AMD1: variants seen among roughly 807,000 people sequenced by gnomAD.
AMD1 encodes the protein adenosylmethionine decarboxylase 1.
A neutral mutation model predicts 40.2 loss-of-function variants in AMD1; 11 were observed. The observed-to-expected ratio is 0.27, with a 90% CI of 0.17 to 0.45. The LOEUF (loss-of-function observed/expected upper bound fraction) is 0.45. Ranked by LOEUF, AMD1 falls within the 20% of genes least tolerant of loss-of-function variation. The pLI is 1.00. For missense variants in AMD1, 257 were observed against 410.2 expected, an observed-to-expected ratio of 0.63 and a Z score of 3.23; for synonymous variants, 121 against 130.8, an observed-to-expected ratio of 0.93 and a Z score of 0.51.
At chr6:110,886,895 C>T (rs927653575) in intron 1 of AMD1, among the ~76,000 whole-genome samples, 4 of 152,232 alleles carry the variant, frequency 2.6e-5, no homozygotes, top group African/African-American at 9.6e-5. Context: ...AGACTAGTTT[C>T]TTCATGTCCA....
the AMD1 span, among the ~76,000 whole-genome samples, chr6:110,847,790 C>T: frequency 6.6e-6 from 1 of 151,344 alleles, no homozygotes; most frequent in South Asian, 2.1e-4. Flanking sequence ...TGGCTCACTG[C>T]AACCTCCACC....
In AMD1 at chr6:110,890,228, T is replaced by C. The variant is rs779159812; in HGVS notation, c.325-26T>C. On this transcript the variant is annotated intron_variant, in intron 3 of 8. Transcript: ENST00000368885. ...TTCTACATCTAAAGTCATCTTTTTT[T>C]TTCTTTCTTTTCTTTTTTAATAAAG... is the stretch of plus-strand genomic sequence containing the variant. The C allele has an allele frequency of 9.5e-6, 14 of 1,476,884 alleles. No individual in the cohort carries two copies. The African/African-American group carries it at 2.0e-4, about 21-fold the overall frequency. The allele number at this position is 1,476,884 out of a possible 1,614,324, so 91.5% of individuals were successfully genotyped here.
At chr6:110,869,059 CAA>C in the AMD1 span, among the ~76,000 whole-genome samples, 4 of 125,492 alleles carry the variant, frequency 3.2e-5, no homozygotes, top group African/African-American at 2.9e-5. Flanking sequence ...AACTCGTTCT[CAA>C]AAAAAAAAAA....
intron 1 of AMD1, among the ~76,000 whole-genome samples, chr6:110,881,981 C>T (rs1247184469): frequency 2.5e-4 from 38 of 152,160 alleles, no homozygotes; most frequent in Admixed American, 2.5e-3. Context: ...TTTATTGACT[C>T]TTTAAATAGC....
At chr6:110,879,025 G>A (rs1279599) in intron 1 of AMD1, among the ~76,000 whole-genome samples, 131,378 of 152,154 alleles carry the variant, frequency 0.86, 56,890 homozygotes, top group Middle Eastern at 0.95. Flanking sequence ...AATGCTTCCT[G>A]CTAAAGAATA....
the AMD1 span, among the ~76,000 whole-genome samples, chr6:110,842,221 C>G: frequency 6.6e-6 from 1 of 152,166 alleles, no homozygotes; most frequent in African/African-American, 2.4e-5. Context: ...AGCAGCAGTA[C>G]TAACTGCCTT....
At chr6:110,875,280 C>A in intron 1 of AMD1, 65 bp downstream of exon 1, 1 of 1,302,874 alleles carries the variant, frequency 7.7e-7, no homozygotes, top group Non-Finnish European at 1.1e-6. Context: ...GAGGCACCAG[C>A]CACGGGTGGA....
chr6:110,866,244 T>A, the AMD1 span, among the ~76,000 whole-genome samples: 425 of 152,320 alleles, frequency 2.8e-3, 2 homozygotes, highest in African/African-American at 9.9e-3. Flanking sequence ...ATTTTACAAT[T>A]TCCATAAAAT....
At chr6:110,848,979 C>T in the AMD1 span, among the ~76,000 whole-genome samples, 1 of 152,162 alleles carries the variant, frequency 6.6e-6, no homozygotes, top group East Asian at 1.9e-4. Context: ...GTACTCCAGC[C>T]TGCGTAACAA....
chr6:110,882,171 G>A (rs1019054580), intron 1 of AMD1, among the ~76,000 whole-genome samples: 9 of 152,080 alleles, frequency 5.9e-5, no homozygotes, highest in Non-Finnish European at 7.4e-5. Context: ...TCACTCTGTC[G>A]CCCAGGCTGG....
At chr6:110,855,627 C>T in the AMD1 span, among the ~76,000 whole-genome samples, 1 of 152,134 alleles carries the variant, frequency 6.6e-6, no homozygotes, top group Non-Finnish European at 1.5e-5. Flanking sequence ...CCCTATTTCC[C>T]TGCTCCCGAC....
At chr6:110,838,182 A>G in the AMD1 span, among the ~76,000 whole-genome samples, 5 of 151,696 alleles carry the variant, frequency 3.3e-5, no homozygotes, top group Non-Finnish European at 7.4e-5. Flanking sequence ...TGAGGTCAGG[A>G]GTTCGAGACC....
upstream of AMD1, among the ~76,000 whole-genome samples, chr6:110,872,236 C>A (rs767357280): frequency 3.2e-4 from 49 of 152,216 alleles, no homozygotes; most frequent in African/African-American, 7.0e-4. Flanking sequence ...GTCTTTACAT[C>A]TTTTAGGGAG....
chr6:110,851,725 A>G, the AMD1 span, among the ~76,000 whole-genome samples: 1 of 152,100 alleles, frequency 6.6e-6, no homozygotes, highest in Non-Finnish European at 1.5e-5. Flanking sequence ...GCCTCCCAAA[A>G]TGCTGGGATT....
At chr6:110,867,478 A>G in the AMD1 span, among the ~76,000 whole-genome samples, 1 of 152,134 alleles carries the variant, frequency 6.6e-6, no homozygotes, top group Admixed American at 6.5e-5. Context: ...AGCCTGGTCA[A>G]CATGGCAAAA....
chr6:110,863,981 C>T, the AMD1 span: 11 of 439,242 alleles, frequency 2.5e-5, no homozygotes, highest in Non-Finnish European at 3.1e-5. Flanking sequence ...TTTTTTGAGA[C>T]GGAGTTTCGC....
intron 2 of AMD1, 38 bp downstream of exon 2, chr6:110,887,629 A>C: frequency 2.2e-6 from 3 of 1,383,612 alleles, no homozygotes; most frequent in Non-Finnish European, 3.0e-6. Flanking sequence ...AGCTAATTTC[A>C]GTCCTAATCA....
intron 1 of AMD1, among the ~76,000 whole-genome samples, chr6:110,883,952 C>A (rs1397089967): frequency 2.0e-5 from 3 of 152,120 alleles, no homozygotes; most frequent in African/African-American, 7.2e-5. Context: ...CTATGTGAGT[C>A]AGGCATTGTC....
the AMD1 span, among the ~76,000 whole-genome samples, chr6:110,851,432 TTTTG>T: frequency 1.1e-4 from 17 of 151,284 alleles, no homozygotes; most frequent in Non-Finnish European, 2.2e-4. Context: ...TTGTGGGGTT[TTTTG>T]TTTGTTTTTG....
Sources: allele counts gnomAD v4.1 joint callset (sites outside exome capture counted in the v4.1 genomes callset), GRCh38; gene constraint gnomAD v4.1.1; transcripts MANE v1.5; gene names NCBI Gene and HGNC (gene_info 2026-07-23, HGNC 2026-07-21).